The following EHBP1 variants were observed in gnomAD, a reference collection of about 807,000 sequenced individuals.
EHBP1 encodes the protein EH domain-binding protein 1.
EHBP1 carries 55 observed loss-of-function variants against 144.0 expected under a neutral mutation model. The ratio of observed to expected loss-of-function variants is 0.38; its 90% CI spans 0.31 to 0.48. The LOEUF (loss-of-function observed/expected upper bound fraction) is 0.48, where lower values mean the gene tolerates loss of function less well. EHBP1 is among the 20% of genes least tolerant of loss of function. The probability of loss-of-function intolerance (pLI) is 0.98; values close to 1 mark genes in which losing one functional copy is unlikely to be tolerated. For synonymous variants in EHBP1, 469 were observed against 472.7 expected (o/e 0.99, Z 0.10); for missense variants, 1,200 against 1,364.2 (o/e 0.88, Z 1.90).
At chr2:62,811,068 T>G (rs1431055651) in intron 5 of EHBP1, among the ~76,000 whole-genome samples, 2 of 152,236 alleles carry the variant, frequency 1.3e-5, no homozygotes, top group Admixed American at 1.3e-4. Context: ...TTATTTGGAT[T>G]TTTTAAGACA....
chr2:62,939,110 T>G (rs2056578774), intron 10 of EHBP1, among the ~76,000 whole-genome samples: 1 of 152,180 alleles, frequency 6.6e-6, no homozygotes, highest in African/African-American at 2.4e-5. Flanking sequence ...TTCTTGCTCT[T>G]GTGGACATTT....
At chr2:62,694,513 A>G (rs1465293660) in intron 1 of EHBP1, among the ~76,000 whole-genome samples, 1 of 152,058 alleles carries the variant, frequency 6.6e-6, no homozygotes, top group Non-Finnish European at 1.5e-5. Context: ...AAAAAAAAAA[A>G]AACTTCTTAA....
chr2:62,691,856 T>C (rs1409418758), intron 1 of EHBP1, among the ~76,000 whole-genome samples: 2 of 152,238 alleles, frequency 1.3e-5, no homozygotes, highest in East Asian at 3.8e-4. Context: ...TTTAGTAAAA[T>C]GTGGCTGCAG....
At chr2:63,027,844 G>A (rs1308895065) in intron 19 of EHBP1, among the ~76,000 whole-genome samples, 4 of 152,178 alleles carry the variant, frequency 2.6e-5, no homozygotes, top group Non-Finnish European at 5.9e-5. Context: ...AGATGTTGGT[G>A]AAAGGATACA....
At chr2:62,784,513 G>A (rs1388309735) in intron 5 of EHBP1, among the ~76,000 whole-genome samples, 3 of 152,194 alleles carry the variant, frequency 2.0e-5, no homozygotes, top group Non-Finnish European at 4.4e-5. Flanking sequence ...TGCTAAAGAG[G>A]CAGGTGGCAG....
chr2:62,895,772 A>G (rs2052869810), intron 10 of EHBP1, among the ~76,000 whole-genome samples: 1 of 152,190 alleles, frequency 6.6e-6, no homozygotes, highest in Admixed American at 6.5e-5. Flanking sequence ...AAGAGTAAAC[A>G]AAATTGTTTA....
chr2:62,828,658 C>G (rs2046527188), intron 6 of EHBP1, among the ~76,000 whole-genome samples: 1 of 152,164 alleles, frequency 6.6e-6, no homozygotes, highest in Non-Finnish European at 1.5e-5. Flanking sequence ...TTGTTTCCCT[C>G]TTACCCACAA....
intron 5 of EHBP1, among the ~76,000 whole-genome samples, chr2:62,812,814 T>C (rs2045127702): frequency 6.6e-6 from 1 of 152,142 alleles, no homozygotes; most frequent in Admixed American, 6.5e-5. Context: ...AGAGAAATTA[T>C]TTAAAGACAG....
intron 10 of EHBP1, among the ~76,000 whole-genome samples, chr2:62,883,269 T>C (rs2051628388): frequency 6.6e-6 from 1 of 152,222 alleles, no homozygotes; most frequent in Non-Finnish European, 1.5e-5. Flanking sequence ...ATAGAACTTA[T>C]ATGGTGATTA....
At chr2:62,784,129 A>G (rs1002612571) in intron 5 of EHBP1, among the ~76,000 whole-genome samples, 4 of 152,204 alleles carry the variant, frequency 2.6e-5, no homozygotes, top group Non-Finnish European at 5.9e-5. Flanking sequence ...GTCAAATGAC[A>G]TGAAATGGAT....
chr2:62,818,130 A>G (rs2045585602), intron 5 of EHBP1, among the ~76,000 whole-genome samples: 2 of 148,048 alleles, frequency 1.4e-5, no homozygotes, highest in Non-Finnish European at 3.0e-5. Context: ...GGGCAGTAAC[A>G]TGAGTGGAGC....
chr2:62,951,066 T>C (rs2057352573), intron 13 of EHBP1, among the ~76,000 whole-genome samples: 1 of 152,224 alleles, frequency 6.6e-6, no homozygotes, highest in Admixed American at 6.5e-5. Flanking sequence ...ATAATGGCAC[T>C]TTCTTGGCTT....
chr2:62,946,813 TG>T lies in EHBP1; in HGVS notation c.1414-1446del, dbSNP rs149792479. Among the ~76,000 whole-genome samples, 487 of 152,328 alleles carry T rather than the reference TG, an allele frequency of 3.2e-3. 2 individuals are homozygous for T. The highest frequency in any genetic ancestry group is 0.011 in the African/African-American group (441 of 41,566). ...AAAAGAAACCTAGTTTGTTTTTAAA[TG>T]TTTTTTTAGTGTAATTAGTGTACAT... On this transcript the variant is annotated intron_variant, in intron 12 of 22. Transcript: ENST00000431489.
intron 5 of EHBP1, among the ~76,000 whole-genome samples, chr2:62,810,322 A>C (rs1347250563): frequency 6.6e-6 from 1 of 152,240 alleles, no homozygotes; most frequent in East Asian, 1.9e-4. Flanking sequence ...AGACTAGAGA[A>C]AGGGAGACAT....
At chr2:62,928,348 C>A (rs2055699756) in intron 10 of EHBP1, among the ~76,000 whole-genome samples, 1 of 152,142 alleles carries the variant, frequency 6.6e-6, no homozygotes, top group Non-Finnish European at 1.5e-5. Context: ...CTTTATTCTG[C>A]TTGTAAGGCT....
intron 5 of EHBP1, among the ~76,000 whole-genome samples, chr2:62,818,841 G>A (rs1322564586): frequency 2.0e-5 from 3 of 152,180 alleles, no homozygotes; most frequent in East Asian, 1.9e-4. Flanking sequence ...AATGAAAAAT[G>A]TACAAGACCA....
upstream of EHBP1, among the ~76,000 whole-genome samples, chr2:62,705,483 G>T (rs1314882014): frequency 6.6e-6 from 1 of 151,818 alleles, no homozygotes; most frequent in Non-Finnish European, 1.5e-5. Flanking sequence ...TCCTTAGTCG[G>T]TTCCTTCTTT....
At chr2:62,830,183 CACACACACACACAT>C (rs1486741551) in intron 6 of EHBP1, among the ~76,000 whole-genome samples, 2 of 106,992 alleles carry the variant, frequency 1.9e-5, no homozygotes, top group Non-Finnish European at 4.0e-5. Flanking sequence ...CACACACACA[CACACACACACACAT>C]ATATATACAC....
At chr2:62,869,082 T>C (rs2050260983) in intron 9 of EHBP1, among the ~76,000 whole-genome samples, 2 of 152,224 alleles carry the variant, frequency 1.3e-5, no homozygotes, top group South Asian at 2.1e-4. Context: ...AAAATGCAAA[T>C]TGATACCACA....
Sources: gnomAD v4.1 joint callset for allele counts (sites outside exome capture counted in the v4.1 genomes callset) on GRCh38, gnomAD v4.1.1 for gene constraint, MANE v1.5 for transcripts, NCBI Gene and HGNC (gene_info 2026-07-23, HGNC 2026-07-21) for gene names.